IQCM: variants seen among roughly 807,000 people sequenced by gnomAD.
IQCM encodes IQ motif containing M, also known as IQ domain-containing protein M.
IQCM carries 45 observed loss-of-function variants against 57.6 expected under a neutral mutation model. The ratio of observed to expected loss-of-function variants is 0.78; its 90% confidence interval spans 0.62 to 1.00. IQCM has a LOEUF of 1.00. Among genes scored for constraint, IQCM ranks in the 50% least tolerant of loss-of-function variants. The pLI is 0.00. For missense variants in IQCM, 468 were observed against 511.6 expected, an observed-to-expected ratio of 0.91 and a Z score of 0.82; for synonymous variants, 148 against 158.9, an observed-to-expected ratio of 0.93 and a Z score of 0.51.
At chr4:149,784,666 G>A (rs1008977299) in intron 2 of IQCM, among the ~76,000 whole-genome samples, 1 of 151,950 alleles carries the variant, frequency 6.6e-6, no homozygotes, top group Non-Finnish European at 1.5e-5. Context: ...CACCCGCCTC[G>A]GCCTCCCAAA....
At chr4:149,646,764 A>C (rs1758672057) in intron 7 of IQCM, among the ~76,000 whole-genome samples, 1 of 152,104 alleles carries the variant, frequency 6.6e-6, no homozygotes, top group African/African-American at 2.4e-5. Flanking sequence ...CAGGCAGATC[A>C]CCTGAGGTCA....
chr4:149,493,798 C>T (rs1374955993), intron 12 of IQCM, among the ~76,000 whole-genome samples: 3 of 151,048 alleles, frequency 2.0e-5, no homozygotes, highest in Non-Finnish European at 4.4e-5. Flanking sequence ...GTTGCTGCTG[C>T]AAACGCTGTC....
intron 7 of IQCM, among the ~76,000 whole-genome samples, chr4:149,632,017 T>C (rs1013914249): frequency 1.3e-5 from 2 of 152,218 alleles, no homozygotes; most frequent in East Asian, 3.9e-4. Context: ...AAATCTTACA[T>C]GTTAACAGTT....
intron 10 of IQCM, among the ~76,000 whole-genome samples, chr4:149,558,032 T>C (rs980577681): frequency 3.6e-4 from 55 of 152,212 alleles, no homozygotes; most frequent in African/African-American, 1.3e-3. Flanking sequence ...TCTAACACTT[T>C]TCCTTGTACT....
At chr4:149,477,274 T>A (rs1740301706) in intron 12 of IQCM, among the ~76,000 whole-genome samples, 1 of 152,164 alleles carries the variant, frequency 6.6e-6, no homozygotes. Flanking sequence ...GCTATTTTTT[T>A]CTGTGTCTCA....
At chr4:149,465,330 A>G (rs1224134854) in intron 12 of IQCM, among the ~76,000 whole-genome samples, 2 of 152,212 alleles carry the variant, frequency 1.3e-5, no homozygotes, top group Admixed American at 6.5e-5. Flanking sequence ...CAAGCTACAC[A>G]TAGGCCCTTG....
chr4:149,528,770 T>C (rs1304230443), intron 12 of IQCM, among the ~76,000 whole-genome samples: 4 of 152,188 alleles, frequency 2.6e-5, no homozygotes, highest in African/African-American at 7.2e-5. Context: ...GCTCAGTAGA[T>C]GGTACTTCTG....
At chr4:149,441,498 T>C (rs1735936735) in intron 12 of IQCM, among the ~76,000 whole-genome samples, 1 of 152,134 alleles carries the variant, frequency 6.6e-6, no homozygotes, top group Non-Finnish European at 1.5e-5. Context: ...TCCTCTGTGG[T>C]TTTCAGCTCT....
chr4:149,597,141 A>G (rs1032905391), intron 8 of IQCM, among the ~76,000 whole-genome samples: 2 of 152,166 alleles, frequency 1.3e-5, no homozygotes, highest in Non-Finnish European at 2.9e-5. Flanking sequence ...AATCGACATT[A>G]TAAAAATAAA....
intron 12 of IQCM, among the ~76,000 whole-genome samples, chr4:149,495,759 A>G (rs1742588909): frequency 6.6e-6 from 1 of 152,138 alleles, no homozygotes; most frequent in East Asian, 1.9e-4. Flanking sequence ...GGTAAGATAA[A>G]GGTAACTCAG....
chr4:149,576,054 A>T (rs1237889142), intron 9 of IQCM, among the ~76,000 whole-genome samples: 6 of 151,880 alleles, frequency 4.0e-5, no homozygotes, highest in Admixed American at 6.6e-5. Flanking sequence ...ACTACTTATT[A>T]TAAATTAAGT....
rs1737559012 is a variant in IQCM at position 149,455,162 on chromosome 4, C to T, written c.1229-21605G>A. 2.0e-5 allele frequency among the ~76,000 whole-genome samples: 3 copies of T among 152,016 alleles called. 1 individual carries two copies. In the South Asian group the frequency reaches 6.2e-4, roughly 31 times the overall value. On this transcript the variant is annotated intron_variant, in intron 12 of 13. Coordinates refer to ENST00000636793, the MANE Select transcript of IQCM (RefSeq NM_001363507.2). Reference sequence around the variant, plus strand: ...TTATTAGATGTAACCTTGTTGTAACCTTTATTCAAGAGAGACTGCTGTGTT... The same window carrying T: ...TTATTAGATGTAACCTTGTTGTAACTTTTATTCAAGAGAGACTGCTGTGTT...
chr4:149,805,706 G>A (rs1227822302), intron 2 of IQCM, among the ~76,000 whole-genome samples: 1 of 151,958 alleles, frequency 6.6e-6, no homozygotes, highest in Non-Finnish European at 1.5e-5. Context: ...TTTGCAAATG[G>A]TTAAATATTT....
chr4:149,475,053 A>G (rs759009356), intron 12 of IQCM, among the ~76,000 whole-genome samples: 4 of 152,192 alleles, frequency 2.6e-5, no homozygotes, highest in Non-Finnish European at 5.9e-5. Flanking sequence ...TAGGAAAGAC[A>G]TAACCTAACA....
chr4:149,432,883 T>C (rs1281881071), intron 13 of IQCM, among the ~76,000 whole-genome samples: 3 of 151,986 alleles, frequency 2.0e-5, no homozygotes, highest in Non-Finnish European at 2.9e-5. Flanking sequence ...CCAAATAACA[T>C]TATTTACTAG....
At chr4:149,452,867 G>T (rs1579105964) in intron 12 of IQCM, among the ~76,000 whole-genome samples, 1 of 150,710 alleles carries the variant, frequency 6.6e-6, no homozygotes, top group Non-Finnish European at 1.5e-5. Flanking sequence ...TTTTAAGAAC[G>T]ACATTGGAGA....
At chr4:149,560,919 G>A (rs1750062550) in intron 10 of IQCM, among the ~76,000 whole-genome samples, 1 of 152,166 alleles carries the variant, frequency 6.6e-6, no homozygotes, top group Non-Finnish European at 1.5e-5. Flanking sequence ...ACCCTCTAGA[G>A]CAGAAAGTTA....
chr4:149,609,175 C>G (rs137901867), intron 8 of IQCM, among the ~76,000 whole-genome samples: 1 of 151,560 alleles, frequency 6.6e-6, no homozygotes, highest in South Asian at 2.1e-4. Flanking sequence ...ATGCAACCTA[C>G]GAAGATTGAA....
chr4:149,735,429 A>T lies in IQCM; in HGVS notation c.67T>A (p.Phe23Ile). The part of the protein sequence containing the change: ...CPTLEITKQD[F>I]FQEAKTLIAQ... Reference sequence around the variant, plus strand: ...ATGAGAGTTTTTGCTTCTTGAAAAAAGTCTTGCTTGGTGATCTCTAATGTA... The same window carrying T: ...ATGAGAGTTTTTGCTTCTTGAAAAATGTCTTGCTTGGTGATCTCTAATGTA... Residue 23 changes from phenylalanine to isoleucine, a missense_variant, in exon 4 of 14, where the codon TTT becomes ATT. Transcript: ENST00000636793. The T allele has an allele frequency of 2.4e-6, 3 of 1,227,412 alleles. No individual in the cohort carries two copies. Among genetic ancestry groups the T allele is most frequent in the Non-Finnish European group, 3.0e-6 (3 of 983,842 alleles). 76.0% of individuals were successfully genotyped at this position (1,227,412 alleles called of 1,614,324 possible).
Sources: allele counts gnomAD v4.1 joint callset (sites outside exome capture counted in the v4.1 genomes callset), GRCh38; gene constraint gnomAD v4.1.1; transcripts MANE v1.5; gene names NCBI Gene and HGNC (gene_info 2026-07-23, HGNC 2026-07-21).